Variants in IL13RA1 observed in about 807,000 individuals in gnomAD.
IL13RA1 encodes interleukin 13 receptor subunit alpha 1.
Under a neutral mutation model 33.8 loss-of-function variants are expected in IL13RA1, and 14 were observed. The observed-to-expected ratio is 0.41, with a 90% confidence interval of 0.27 to 0.65. IL13RA1 has a LOEUF of 0.65. Ranked by LOEUF, IL13RA1 falls within the 30% of genes least tolerant of loss-of-function variation. IL13RA1 has a pLI of 0.28. For missense variants in IL13RA1, 313 were observed against 327.0 expected (o/e 0.96, Z 0.33); for synonymous variants, 116 against 115.7 (o/e 1.00, Z -0.02).
chrX:118,791,120 T>C (rs2017970616), intron 10 of IL13RA1, among the ~76,000 whole-genome samples: 1 of 111,062 alleles, frequency 9.0e-6, no homozygotes, highest in Admixed American at 9.7e-5. Context: ...TTTCACCCTT[T>C]CCTCTGATTT....
At chrX:118,774,279 A>G (rs764840598) in intron 9 of IL13RA1, among the ~76,000 whole-genome samples, 1 of 107,534 alleles carries the variant, frequency 9.3e-6, no homozygotes, top group South Asian at 4.1e-4. Context: ...CCTCCCGAGT[A>G]GCTGCGATTA....
intron 5 of IL13RA1, among the ~76,000 whole-genome samples, chrX:118,760,589 A>T (rs1008376739): frequency 8.9e-6 from 1 of 112,315 alleles, no homozygotes; most frequent in African/African-American, 3.2e-5. Context: ...AGATACCCCA[A>T]ATATGTTCCT....
rs1178406545 is a variant in IL13RA1, at chrX:118,791,796, C to G, written c.1226C>G (p.Thr409Ser). 1 of 1,087,057 alleles carries G rather than the reference C, an allele frequency of 9.2e-7. No homozygotes were observed. The highest frequency in any genetic ancestry group is 2.2e-5 in the Admixed American group (1 of 44,742). The allele number at this position is 1,087,057 out of a possible 1,213,427, so 89.6% of individuals were successfully genotyped here. The change falls in exon 11 of 11, where the codon ACC becomes AGC. Residue 409 changes from threonine to serine, a missense_variant. Transcript: ENST00000371666. The stretch of plus-strand genomic sequence containing the variant: ...AAGTACGACATCTATGAGAAGCAAA[C>G]CAAGGAGGAAACCGACTCTGTAGTG... ...WKKYDIYEKQ[T>S]KEETDSVVLI...
chrX:118,772,397 G>A (rs1471394206), intron 8 of IL13RA1, among the ~76,000 whole-genome samples: 7 of 112,164 alleles, frequency 6.2e-5, no homozygotes, highest in African/African-American at 2.3e-4. Context: ...ACAATGCTAA[G>A]GTATATATAG....
In IL13RA1 at chrX:118,754,422, G is replaced by C. The variant is rs771238290; in HGVS notation, c.489-3633G>C. On this transcript the variant is annotated intron_variant, in intron 4 of 10. Coordinates refer to ENST00000371666, the MANE Select transcript of IL13RA1 (RefSeq NM_001560.3). The stretch of plus-strand genomic sequence containing the variant: ...GGAGGCTGAGGCAGGTGGATCATGA[G>C]GTCAGGAGATCCAGACCATCCTGGC... 3.6e-5 allele frequency among the ~76,000 whole-genome samples: 4 copies of C among 110,167 alleles called. No individual in the cohort carries two copies. In the South Asian group the frequency reaches 1.6e-3, roughly 43 times the overall value.
intron 10 of IL13RA1, among the ~76,000 whole-genome samples, chrX:118,786,552 T>C (rs2017919764): frequency 2.7e-5 from 3 of 112,189 alleles, no homozygotes; most frequent in Non-Finnish European, 3.8e-5. Flanking sequence ...TTCATTTTTG[T>C]ATGAAATCAG....
chrX:118,737,156 C>A (rs2017292147), intron 1 of IL13RA1, among the ~76,000 whole-genome samples: 2 of 112,309 alleles, frequency 1.8e-5, no homozygotes, highest in Admixed American at 1.9e-4. Context: ...ATACAAATCC[C>A]TGATATTTGG....
intron 10 of IL13RA1, among the ~76,000 whole-genome samples, chrX:118,786,259 C>T (rs1266599510): frequency 4.5e-5 from 5 of 110,121 alleles, no homozygotes; most frequent in Admixed American, 2.9e-4. Flanking sequence ...GGCTTGGTGG[C>T]GGGTGCCTGT....
At chrX:118,795,465 A>G (rs2018025335), downstream of IL13RA1, among the ~76,000 whole-genome samples, 2 of 110,796 alleles carry the variant, frequency 1.8e-5, no homozygotes, top group Admixed American at 1.9e-4. Context: ...TGGTCAAGTT[A>G]TTTATCTGGA....
At chrX:118,728,393 T>A (rs1490379665) in intron 1 of IL13RA1, among the ~76,000 whole-genome samples, 1 of 112,245 alleles carries the variant, frequency 8.9e-6, no homozygotes, top group East Asian at 2.8e-4. Context: ...CTCTCTTTAA[T>A]AAACCTTATA....
chrX:118,800,579 T>C, the IL13RA1 span, among the ~76,000 whole-genome samples: 1 of 110,738 alleles, frequency 9.0e-6, no homozygotes, highest in Non-Finnish European at 1.9e-5. Context: ...ACGCGCCACC[T>C]TAAGAGCTGT....
chrX:118,782,384 A>G (rs1255752646), intron 10 of IL13RA1, among the ~76,000 whole-genome samples: 9 of 110,108 alleles, frequency 8.2e-5, no homozygotes, highest in Non-Finnish European at 1.7e-4. Flanking sequence ...CCATTTCTAC[A>G]CTTATTAGCT....
chrX:118,748,082 A>G (rs570139495), intron 3 of IL13RA1, among the ~76,000 whole-genome samples: 1 of 102,089 alleles, frequency 9.8e-6, no homozygotes, highest in East Asian at 2.9e-4. Context: ...TATATACTAT[A>G]TATAATATAT....
chrX:118,801,097 T>G, the IL13RA1 span, among the ~76,000 whole-genome samples: 1 of 112,696 alleles, frequency 8.9e-6, no homozygotes, highest in Non-Finnish European at 1.9e-5. Flanking sequence ...GCCAAGATGA[T>G]TTTTGTAAAA....
intron 10 of IL13RA1, among the ~76,000 whole-genome samples, chrX:118,782,185 G>C (rs1387263008): frequency 9.0e-6 from 1 of 111,342 alleles, no homozygotes; most frequent in African/African-American, 3.3e-5. Context: ...CAGTTTTCCT[G>C]CCTCAGCCTC....
chrX:118,737,586 C>T (rs1201075393), intron 1 of IL13RA1, among the ~76,000 whole-genome samples: 1 of 111,748 alleles, frequency 8.9e-6, no homozygotes, highest in Non-Finnish European at 1.9e-5. Flanking sequence ...CCCCAGGAAG[C>T]CCAAAATGCA....
chrX:118,800,909 T>C, the IL13RA1 span, among the ~76,000 whole-genome samples: 3 of 111,547 alleles, frequency 2.7e-5, no homozygotes, highest in African/African-American at 9.8e-5. Flanking sequence ...ACCTCAGCCT[T>C]CCGAGTAGCT....
At chrX:118,747,346 T>C (rs897049115) in intron 3 of IL13RA1, among the ~76,000 whole-genome samples, 1 of 109,622 alleles carries the variant, frequency 9.1e-6, no homozygotes, top group Non-Finnish European at 1.9e-5. Flanking sequence ...GATATACACA[T>C]GCACGCGCGC....
intron 8 of IL13RA1, chrX:118,770,782 C>A: frequency 3.1e-6 from 1 of 325,462 alleles, no homozygotes; most frequent in South Asian, 2.9e-5. Context: ...CCTCTGCATC[C>A]TTACTGGCTT....
Sources: gnomAD v4.1 joint callset for allele counts (sites outside exome capture counted in the v4.1 genomes callset) on GRCh38, gnomAD v4.1.1 for gene constraint, MANE v1.5 for transcripts, NCBI Gene and HGNC (gene_info 2026-07-23, HGNC 2026-07-21) for gene names.